CDX4: variants seen among roughly 807,000 people sequenced by gnomAD.
The protein encoded by CDX4 is caudal type homeobox 4.
A neutral mutation model predicts 14.1 loss-of-function variants in CDX4; 11 were observed. The observed-to-expected ratio is 0.78, with a 90% confidence interval of 0.49 to 1.29. The LOEUF is 1.29. Ranked by LOEUF, CDX4 falls within the 50% of genes most tolerant of loss-of-function variation. The pLI, the probability that CDX4 is intolerant of heterozygous loss-of-function variation, is 0.00. For missense variants in CDX4, 257 were observed against 237.4 expected, an observed-to-expected ratio of 1.08 and a Z score of -0.54; for synonymous variants, 100 against 93.5, an observed-to-expected ratio of 1.07 and a Z score of -0.40.
chrX:73,448,586 G>A (rs2057078205), intron 1 of CDX4, among the ~76,000 whole-genome samples: 1 of 112,223 alleles, frequency 8.9e-6, no homozygotes, highest in Non-Finnish European at 1.9e-5. Flanking sequence ...GCTGAATGCA[G>A]GTCTGCGGCA....
At chrX:73,450,048 C>G (rs1372577737) in intron 1 of CDX4, among the ~76,000 whole-genome samples, 4 of 112,048 alleles carry the variant, frequency 3.6e-5, no homozygotes, top group African/African-American at 1.3e-4. Flanking sequence ...TGTGGGATAA[C>G]ATATGGTTTA....
At chrX:73,450,935 A>T (rs1173134760) in intron 1 of CDX4, among the ~76,000 whole-genome samples, 1 of 111,742 alleles carries the variant, frequency 8.9e-6, no homozygotes, top group African/African-American at 3.2e-5. Flanking sequence ...ATAAGTTATC[A>T]TATATTATGA....
At chrX:73,453,487 G>T in intron 1 of CDX4, 30 bp from the exon 2 acceptor site, 1 of 1,172,187 alleles carries the variant, frequency 8.5e-7, no homozygotes, top group East Asian at 3.1e-5. Context: ...AGCAGAAAAA[G>T]ATTAAATGCA....
intron 1 of CDX4, among the ~76,000 whole-genome samples, chrX:73,451,888 A>G (rs1045109425): frequency 1.8e-5 from 2 of 111,948 alleles, no homozygotes; most frequent in Non-Finnish European, 3.8e-5. Context: ...TTTTCTCTAA[A>G]TATGCATTCT....
rs372222815 is a variant in CDX4, at chrX:73,447,458, C to G, written c.205C>G (p.Leu69Val). The G allele has an allele frequency of 4.1e-6, 5 of 1,209,939 alleles. No individual in the cohort carries two copies. The highest frequency in any genetic ancestry group is 5.6e-6 in the Non-Finnish European group (5 of 895,051). ...CAGCATGGATCCTCACTGGCCGTCT[C>G]TGGGAGTCTGGGGCTCACCCTACAG... ...MPSMDPHWPS[L>V]GVWGSPYSPP... Residue 69 changes from leucine to valine, a missense_variant, in exon 1 of 3, where the codon CTG (leucine) becomes GTG (valine). Physicochemically the swap from Leu to Val is conservative, Grantham distance 32 (BLOSUM62 1). Coordinates refer to ENST00000373514, the MANE Select transcript of CDX4 (RefSeq NM_005193.2).
intron 1 of CDX4, among the ~76,000 whole-genome samples, chrX:73,449,271 T>G (rs924633298): frequency 1.8e-5 from 2 of 111,577 alleles, no homozygotes; most frequent in African/African-American, 6.5e-5. Flanking sequence ...TGAAACACAT[T>G]AAGAGGAAAG....
At chrX:73,449,555 A>G (rs866765643) in intron 1 of CDX4, among the ~76,000 whole-genome samples, 2 of 111,785 alleles carry the variant, frequency 1.8e-5, no homozygotes, top group Middle Eastern at 4.2e-3. Flanking sequence ...AAGATTTTCT[A>G]TCCAATTTCT....
At chrX:73,454,321 A>G (rs926975141) in intron 2 of CDX4, 58 bp from the exon 3 acceptor site, 2 of 820,381 alleles carry the variant, frequency 2.4e-6, no homozygotes, top group East Asian at 3.3e-5. Flanking sequence ...AAGTCTCTGT[A>G]CAATATCAGA....
Position 73,454,666 on chromosome X carries a change from G to A in CDX4, c.*81G>A. 1.4e-6 allele frequency: 1 copy of A among 691,429 alleles called. No individual in the cohort carries two copies. The highest frequency in any genetic ancestry group is 2.2e-6 in the Non-Finnish European group (1 of 450,719). The allele number at this position is 691,429 out of a possible 1,213,427, so 57.0% of individuals were successfully genotyped here. A position where few individuals can be genotyped will look rare whatever the true frequency, so the allele number is the denominator to read the frequency against. On this transcript the variant is annotated 3_prime_UTR_variant, in exon 3 of 3. Coordinates refer to ENST00000373514, the MANE Select transcript of CDX4 (RefSeq NM_005193.2). The stretch of plus-strand genomic sequence containing the variant: ...CTAAGCTATCTACAGGGGAGTTGGA[G>A]CAGGGTGTAATTCCCTGTAAGGCAG...
intron 1 of CDX4, among the ~76,000 whole-genome samples, chrX:73,449,092 G>A (rs1028095384): frequency 9.0e-6 from 1 of 111,487 alleles, no homozygotes; most frequent in African/African-American, 3.3e-5. Context: ...AAATATGAGT[G>A]AGTCTGTCGA....
At chrX:73,452,765 A>G (rs191451667) in intron 1 of CDX4, among the ~76,000 whole-genome samples, 92 of 111,874 alleles carry the variant, frequency 8.2e-4, no homozygotes, top group African/African-American at 2.8e-3. Context: ...TATTCAAACC[A>G]AACTCTAGGA....
At chrX:73,453,910 A>G (rs2057097769) in intron 2 of CDX4, among the ~76,000 whole-genome samples, 1 of 111,815 alleles carries the variant, frequency 8.9e-6, no homozygotes, top group African/African-American at 3.2e-5. Context: ...TCTTATTAGT[A>G]ATAGTATACT....
At position 73,454,670 on chromosome X, in the gene CDX4, G is replaced by A. The variant is rs758951329; in HGVS notation, c.*85G>A. 3.4e-4 allele frequency: 217 copies of A among 638,032 alleles called. No homozygotes were observed. Among genetic ancestry groups the A allele is most frequent in the Non-Finnish European group, 5.0e-4 (203 of 409,202 alleles). The allele number at this position is 638,032 out of a possible 1,213,427, so 52.6% of individuals were successfully genotyped here. A position where few individuals can be genotyped will look rare whatever the true frequency, so the allele number is the denominator to read the frequency against. ...GCTATCTACAGGGGAGTTGGAGCAG[G>A]GTGTAATTCCCTGTAAGGCAGTATT... On this transcript the variant is annotated 3_prime_UTR_variant, in exon 3 of 3. Coordinates refer to ENST00000373514, the MANE Select transcript of CDX4 (RefSeq NM_005193.2).
chrX:73,447,231 G>T lies in CDX4; in HGVS notation c.-23G>T. 8.4e-7 allele frequency: 1 copy of T among 1,194,490 alleles called. No individual in the cohort carries two copies. Among genetic ancestry groups the T allele is most frequent in the Non-Finnish European group, 1.1e-6 (1 of 885,273 alleles). On this transcript the variant is annotated 5_prime_UTR_variant, in exon 1 of 3. Coordinates refer to ENST00000373514, the MANE Select transcript of CDX4 (RefSeq NM_005193.2). ...TACAGGGACTTCAGGATGGCTTAGG[G>T]AGCGCCTTCTACCCAAGACACGATG...
Position 73,447,566 on chromosome X carries a change from C to A in CDX4, c.313C>A (p.Pro105Thr), listed in dbSNP as rs140116090. 6.4e-5 allele frequency: 77 copies of A among 1,209,776 alleles called. 1 individual carries two copies. The African/African-American group carries it at 1.0e-3, about 16-fold the overall frequency. Residue 105 changes from proline (P) to threonine (T), a missense_variant, in exon 1 of 3, where the codon CCC becomes ACC. By Grantham distance (38) the Pro-to-Thr change is conservative. Coordinates refer to ENST00000373514, the MANE Select transcript of CDX4 (RefSeq NM_005193.2). ...TVPVNDVTSS[P>T]AAFCSTDYSN... ...GCCGGTGAACGACGTGACCTCTAGCCCCGCCGCTTTCTGCTCGACCGACTA... is the reference window on the plus strand; with the variant it reads ...GCCGGTGAACGACGTGACCTCTAGCACCGCCGCTTTCTGCTCGACCGACTA...
intron 1 of CDX4, among the ~76,000 whole-genome samples, chrX:73,451,419 C>T (rs1216088828): frequency 9.0e-6 from 1 of 111,587 alleles, no homozygotes; most frequent in Non-Finnish European, 1.9e-5. Context: ...TGAGCTACAT[C>T]TTCTTGGAGT....
Position 73,447,422 on chromosome X carries a change from C to T in CDX4, c.169C>T (p.Pro57Ser), listed in dbSNP as rs996183726. Residue 57 changes from proline to serine, a missense_variant, in exon 1 of 3, where the codon CCT becomes TCT. By Grantham distance (74) the Pro-to-Ser change is moderately conservative (BLOSUM62 -1). Coordinates refer to ENST00000373514, the MANE Select transcript of CDX4 (RefSeq NM_005193.2). ...APAFSHYMGY[P>S]HMPSMDPHWP... Reference sequence around the variant, plus strand: ...GGCTTTCTCGCACTATATGGGGTATCCTCATATGCCCAGCATGGATCCTCA... The same window carrying T: ...GGCTTTCTCGCACTATATGGGGTATTCTCATATGCCCAGCATGGATCCTCA... 6 of 1,209,110 alleles carry T rather than the reference C, an allele frequency of 5.0e-6. No homozygotes were observed. The African/African-American group carries it at 8.8e-5, about 18-fold the overall frequency.
intron 2 of CDX4, 115 bp downstream of exon 2, chrX:73,453,777 C>T: frequency 1.7e-6 from 1 of 589,475 alleles, no homozygotes; most frequent in East Asian, 4.0e-5. Flanking sequence ...TGCATTTCAA[C>T]CACGTGTGAA....
intron 2 of CDX4, among the ~76,000 whole-genome samples, chrX:73,453,923 T>C (rs2057097828): frequency 1.8e-5 from 2 of 111,741 alleles, no homozygotes; most frequent in Non-Finnish European, 1.9e-5. Flanking sequence ...AGTATACTAA[T>C]AGGAAGATAA....
Sources: allele counts gnomAD v4.1 joint callset (sites outside exome capture counted in the v4.1 genomes callset), GRCh38; gene constraint gnomAD v4.1.1; transcripts MANE v1.5; gene names NCBI Gene and HGNC (gene_info 2026-07-23, HGNC 2026-07-21).